ARAP1: variants seen among roughly 807,000 people sequenced by gnomAD.
ARAP1 encodes arf-GAP with Rho-GAP domain, ANK repeat and PH domain-containing protein 1.
A neutral mutation model predicts 172.2 loss-of-function variants in ARAP1; 76 were observed. The observed-to-expected ratio is 0.44, with a 90% confidence interval of 0.37 to 0.53. The LOEUF (loss-of-function observed/expected upper bound fraction) is 0.53, where lower values mean the gene tolerates loss of function less well. Ranked by LOEUF, ARAP1 falls within the 20% of genes least tolerant of loss-of-function variation. ARAP1 has a pLI of 0.00. For synonymous variants in ARAP1, 804 were observed against 803.3 expected (o/e 1.00, Z -0.01); for missense variants, 1,686 against 1,977.5 (o/e 0.85, Z 2.80).
intron 33 of ARAP1, 160 bp downstream of exon 33, chr11:72,687,279 T>C: frequency 2.2e-6 from 2 of 914,220 alleles, no homozygotes; most frequent in Non-Finnish European, 3.4e-6. Flanking sequence ...CAGTAGGTGC[T>C]AGGAAGGGTT....
At chr11:72,734,178 T>C (rs1565230838) in intron 1 of ARAP1, among the ~76,000 whole-genome samples, 1 of 152,070 alleles carries the variant, frequency 6.6e-6, no homozygotes. Context: ...TGGAGTGTAG[T>C]AGTGCAATCA....
chr11:72,687,696 C>T lies in ARAP1; in HGVS notation c.4113G>A (p.Lys1371=), dbSNP rs1217913210. The T allele has an allele frequency of 6.2e-7, 1 of 1,614,210 alleles. No individual in the cohort carries two copies. The highest frequency in any genetic ancestry group is 1.1e-5 in the South Asian group (1 of 91,082). ...TVVHETEKHE[K]QQWYLCCDTQ... is the part of the protein sequence containing the mutation. The stretch of plus-strand genomic sequence containing the variant: ...ATGAGGCGCTCACTCACCACTGCTG[C>T]TTCTCATGTTTCTCTGTCTCATGCA... The change falls in exon 32 of 35, where the codon AAG becomes AAA. Residue 1371 remains lysine, a synonymous_variant. Coordinates refer to ENST00000393609, the MANE Select transcript of ARAP1 (RefSeq NM_001040118.3).
intron 29 of ARAP1, 61 bp from the exon 30 acceptor site, chr11:72,692,846 T>C: frequency 6.2e-7 from 1 of 1,600,890 alleles, no homozygotes; most frequent in Non-Finnish European, 8.5e-7. Context: ...GGACAGCATG[T>C]GCAGTGATGT....
intron 34 of ARAP1, 97 bp from the exon 35 acceptor site, chr11:72,685,778 G>T: frequency 6.5e-7 from 1 of 1,527,360 alleles, no homozygotes; most frequent in Non-Finnish European, 9.1e-7. Context: ...ACTCTCCACT[G>T]CCAGCCGGGG....
intron 1 of ARAP1, among the ~76,000 whole-genome samples, chr11:72,738,070 AAGGG>A (rs1376470260): frequency 6.6e-6 from 1 of 152,188 alleles, no homozygotes; most frequent in African/African-American, 2.4e-5. Flanking sequence ...CTGGTGAAGT[AAGGG>A]AGGCTTCTAG....
intron 1 of ARAP1, among the ~76,000 whole-genome samples, chr11:72,743,863 G>C (rs1214312786): frequency 6.6e-6 from 1 of 151,830 alleles, no homozygotes; most frequent in Admixed American, 6.6e-5. Flanking sequence ...CCCTCAGGCA[G>C]GGGCTACCTC....
At chr11:72,685,975 T>G in intron 34 of ARAP1, 67 bp downstream of exon 34, 1 of 1,608,186 alleles carries the variant, frequency 6.2e-7, no homozygotes, top group Non-Finnish European at 8.5e-7. Context: ...TCATCTACTG[T>G]GGAGTAGAAG....
At chr11:72,742,515 A>T (rs1469322394) in intron 1 of ARAP1, among the ~76,000 whole-genome samples, 1 of 152,160 alleles carries the variant, frequency 6.6e-6, no homozygotes, top group Non-Finnish European at 1.5e-5. Context: ...GGTAAGGCCC[A>T]GGGAGGAGAA....
intron 12 of ARAP1, among the ~76,000 whole-genome samples, chr11:72,706,247 A>T (rs1296193930): frequency 1.3e-5 from 2 of 152,100 alleles, no homozygotes; most frequent in Admixed American, 1.3e-4. Context: ...CCAGAATTAG[A>T]TCACAACTCC....
intron 2 of ARAP1, among the ~76,000 whole-genome samples, chr11:72,731,438 T>C (rs116926523): frequency 3.3e-3 from 499 of 152,268 alleles, no homozygotes; most frequent in Non-Finnish European, 5.8e-3. Flanking sequence ...GCCCGGCTTC[T>C]CTCTTGCTTC....
At chr11:72,730,896 A>G (rs1420949987) in intron 2 of ARAP1, among the ~76,000 whole-genome samples, 1 of 152,260 alleles carries the variant, frequency 6.6e-6, no homozygotes, top group African/African-American at 2.4e-5. Context: ...TAGTTGTGCA[A>G]TAGAATACTG....
intron 33 of ARAP1, 69 bp downstream of exon 33, chr11:72,687,370 A>AT: frequency 6.3e-7 from 1 of 1,585,630 alleles, no homozygotes; most frequent in Admixed American, 1.7e-5. Flanking sequence ...CACAGAAGCC[A>AT]ATGTCCCCAT....
intron 7 of ARAP1, among the ~76,000 whole-genome samples, chr11:72,711,899 G>A (rs1857029987): frequency 6.6e-6 from 1 of 152,094 alleles, no homozygotes; most frequent in Non-Finnish European, 1.5e-5. Flanking sequence ...GTCTCGCCAT[G>A]TTGCCCAGAG....
chr11:72,705,927 C>T lies in ARAP1; in HGVS notation c.1724-37G>A, dbSNP rs376519961. 6 of 1,607,884 alleles carry T rather than the reference C, an allele frequency of 3.7e-6. No homozygotes were observed. The African/African-American group carries it at 5.3e-5, about 14-fold the overall frequency. The stretch of plus-strand genomic sequence containing the variant: ...GGGCCAGACCCAGAATCACCTGGGC[C>T]CCCCCTTCACGGGAGCACTTACCCA... On this transcript the variant is annotated intron_variant, in intron 12 of 34. Coordinates refer to ENST00000393609, the MANE Select transcript of ARAP1 (RefSeq NM_001040118.3).
intron 33 of ARAP1, among the ~76,000 whole-genome samples, chr11:72,686,738 C>T (rs1855704941): frequency 1.3e-5 from 2 of 152,194 alleles, no homozygotes; most frequent in African/African-American, 4.8e-5. Context: ...CAGCCACTGC[C>T]TCACTGGCCT....
In ARAP1 at chr11:72,695,900, G is replaced by T. The variant is rs1373748120; in HGVS notation, c.3273-35C>A. On this transcript the variant is annotated intron_variant, in intron 23 of 34. Coordinates refer to ENST00000393609, the MANE Select transcript of ARAP1 (RefSeq NM_001040118.3). The surrounding 1 kb of genome is among the most constrained non-coding windows in gnomAD (Gnocchi z 4.4). ...GGAGGAGGAGGGCTTTGAGTGAGGA[G>T]TCAGGCCAGAGCTTCCCATCTCACC... 2 of 1,591,086 alleles carry T rather than the reference G, an allele frequency of 1.3e-6. No homozygotes were observed. The highest frequency in any genetic ancestry group is 1.7e-6 in the Non-Finnish European group (2 of 1,169,298).
At position 72,704,617 on chromosome 11, in the gene ARAP1, T is replaced by G. The variant is rs1192265753; in HGVS notation, c.1810-283A>C. The G allele has an allele frequency of 1.5e-5, 6 of 394,588 alleles. No individual in the cohort carries two copies. In the Admixed American group the frequency reaches 2.1e-4, roughly 14 times the overall value. The allele number at this position is 394,588 out of a possible 1,614,324, so 24.4% of individuals were successfully genotyped here. On this transcript the variant is annotated intron_variant, in intron 13 of 34. Coordinates refer to ENST00000393609, the MANE Select transcript of ARAP1 (RefSeq NM_001040118.3). Reference sequence around the variant, plus strand: ...GCCTTGCACCTGGTCCCAGGGGCCTTGCTGCTGCCCCACCCAGTTCCACAT... The same window carrying G: ...GCCTTGCACCTGGTCCCAGGGGCCTGGCTGCTGCCCCACCCAGTTCCACAT...
chr11:72,751,821 C>A (rs1858539921), intron 1 of ARAP1, among the ~76,000 whole-genome samples: 1 of 152,142 alleles, frequency 6.6e-6, no homozygotes, highest in Non-Finnish European at 1.5e-5. Flanking sequence ...TGACCCCATT[C>A]CCTGAGCACA....
intron 4 of ARAP1, 125 bp downstream of exon 4, chr11:72,714,027 C>T (rs1857163657): frequency 1.8e-6 from 2 of 1,129,314 alleles, no homozygotes; most frequent in Non-Finnish European, 2.4e-6. Flanking sequence ...TGCCCGGGGC[C>T]ACACAGTGGG....
Sources: gnomAD v4.1 joint callset for allele counts (sites outside exome capture counted in the v4.1 genomes callset) on GRCh38, gnomAD v4.1.1 for gene constraint, Gnocchi (gnomAD v3.1) non-coding constraint, MANE v1.5 for transcripts, NCBI Gene and HGNC (gene_info 2026-07-23, HGNC 2026-07-21) for gene names.